The following CCND3 variants were observed in gnomAD, a reference collection of about 807,000 sequenced individuals.
CCND3 encodes G1/S-specific cyclin-D3.
Under a neutral mutation model 28.7 loss-of-function variants are expected in CCND3, and 9 were observed. The ratio of observed to expected loss-of-function variants is 0.31; its 90% confidence interval spans 0.19 to 0.55. CCND3 has a LOEUF of 0.55. Ranked by LOEUF, CCND3 falls within the 20% of genes least tolerant of loss-of-function variation. CCND3 has a pLI of 0.93. For synonymous variants in CCND3, 164 were observed against 163.9 expected, an observed-to-expected ratio of 1.00 and a Z score of 0.00; for missense variants, 315 against 385.8, an observed-to-expected ratio of 0.82 and a Z score of 1.54.
intron 1 of CCND3, among the ~76,000 whole-genome samples, chr6:41,951,575 C>CAAAAAAAAAAA (rs58855970): frequency 4.3e-5 from 3 of 70,148 alleles, no homozygotes; most frequent in Admixed American, 1.8e-4. Flanking sequence ...CACACACACA[C>CAAAAAAAAAAA]AAAAAAAAAG....
chr6:42,034,466 CTCTTTTTTTT>C (rs1764140230), intron 1 of CCND3, among the ~76,000 whole-genome samples: 1 of 98,490 alleles, frequency 1.0e-5, no homozygotes, highest in African/African-American at 3.6e-5. Context: ...AACCCTGTCA[CTCTTTTTTTT>C]TTTTTTTTTT....
intron 1 of CCND3, among the ~76,000 whole-genome samples, chr6:42,038,761 G>A (rs1311390259): frequency 1.3e-5 from 2 of 152,028 alleles, no homozygotes; most frequent in Admixed American, 6.6e-5. Flanking sequence ...ACATTCAGAA[G>A]AGTAAAAAGA....
chr6:41,966,114 A>G (rs1761880465), intron 1 of CCND3, among the ~76,000 whole-genome samples: 1 of 152,174 alleles, frequency 6.6e-6, no homozygotes, highest in African/African-American at 2.4e-5. Flanking sequence ...AGGGATGGTT[A>G]TGAGAATAAG....
intron 1 of CCND3, among the ~76,000 whole-genome samples, chr6:41,959,081 G>A (rs149830553): frequency 0.055 from 8,324 of 152,250 alleles, 458 homozygotes; most frequent in Admixed American, 0.12. Context: ...TTGGGAGGCC[G>A]AGGCTGGTGG....
intron 1 of CCND3, among the ~76,000 whole-genome samples, chr6:41,956,756 C>A (rs1391528585): frequency 6.6e-6 from 1 of 151,900 alleles, no homozygotes; most frequent in Admixed American, 6.6e-5. Context: ...TGGCCAGGCG[C>A]GGTGGCTCAA....
At chr6:41,955,741 A>G (rs1776421328) in intron 1 of CCND3, among the ~76,000 whole-genome samples, 1 of 152,076 alleles carries the variant, frequency 6.6e-6, no homozygotes, top group South Asian at 2.1e-4. Context: ...CAGGAGTTTG[A>G]AACCAGCCTG....
At chr6:42,024,956 G>A (rs756331100) in intron 1 of CCND3, among the ~76,000 whole-genome samples, 65 of 152,170 alleles carry the variant, frequency 4.3e-4, no homozygotes, top group Non-Finnish European at 5.4e-4. Context: ...TACGTGGGAG[G>A]CTGAGGCAGG....
intron 1 of CCND3, among the ~76,000 whole-genome samples, chr6:41,996,350 A>C (rs1335886269): frequency 6.6e-6 from 1 of 151,664 alleles, no homozygotes; most frequent in Non-Finnish European, 1.5e-5. Flanking sequence ...GGGTTTCACC[A>C]TGTTGGCCAG....
chr6:41,970,821 T>C (rs1269136260), intron 1 of CCND3, among the ~76,000 whole-genome samples: 1 of 152,224 alleles, frequency 6.6e-6, no homozygotes, highest in Non-Finnish European at 1.5e-5. Context: ...GGTTTTCTTT[T>C]GAAATCATCT....
intron 1 of CCND3, among the ~76,000 whole-genome samples, chr6:41,959,943 G>A (rs912203303): frequency 9.5e-5 from 12 of 126,896 alleles, no homozygotes; most frequent in African/African-American, 3.2e-4. Flanking sequence ...GCAACAGAGC[G>A]AGACTCCGTC....
At chr6:42,016,077 A>G (rs1048288260) in intron 1 of CCND3, among the ~76,000 whole-genome samples, 1 of 152,028 alleles carries the variant, frequency 6.6e-6, no homozygotes, top group East Asian at 1.9e-4. Context: ...CTGGGATTAC[A>G]GCTGTGTGCC....
At chr6:41,940,920 C>T (rs1582088609) in intron 1 of CCND3, 2 of 1,580,690 alleles carry the variant, frequency 1.3e-6, no homozygotes, top group Non-Finnish European at 1.7e-6. Flanking sequence ...GAGCTGGGAC[C>T]TCACCCCCAT....
chr6:41,955,725 C>G (rs1168829378), intron 1 of CCND3, among the ~76,000 whole-genome samples: 1 of 151,144 alleles, frequency 6.6e-6, no homozygotes, highest in East Asian at 1.9e-4. Context: ...GAGGATTGCT[C>G]GAGGCCAGGA....
intron 1 of CCND3, among the ~76,000 whole-genome samples, chr6:42,016,247 T>G (rs192192011): frequency 1.4e-4 from 22 of 152,314 alleles, no homozygotes; most frequent in Admixed American, 1.4e-3. Flanking sequence ...AGTATGTTTT[T>G]TACTAACCAT....
chr6:42,046,749 C>T (rs1582199949), intron 1 of CCND3, among the ~76,000 whole-genome samples: 1 of 152,170 alleles, frequency 6.6e-6, no homozygotes, highest in Admixed American at 6.5e-5. Context: ...TAAACAGTAC[C>T]AGCCCTATGG....
chr6:42,019,063 C>G (rs1226178881), intron 1 of CCND3, among the ~76,000 whole-genome samples: 1 of 152,090 alleles, frequency 6.6e-6, no homozygotes, highest in African/African-American at 2.4e-5. Flanking sequence ...TTGGGGCAAA[C>G]TACTCCATAT....
intron 1 of CCND3, among the ~76,000 whole-genome samples, chr6:42,020,133 G>A (rs1046616298): frequency 7.9e-5 from 12 of 152,064 alleles, no homozygotes; most frequent in African/African-American, 2.9e-4. Context: ...AAAAAAATTA[G>A]CCGAGCATGG....
At chr6:42,041,417 G>A (rs1300304781) in intron 1 of CCND3, among the ~76,000 whole-genome samples, 1 of 152,058 alleles carries the variant, frequency 6.6e-6, no homozygotes, top group East Asian at 1.9e-4. Context: ...GGAAGAGAAG[G>A]CCTGGAGAAA....
chr6:41,978,371 CAAA>C (rs575675626), intron 1 of CCND3, among the ~76,000 whole-genome samples: 1 of 128,128 alleles, frequency 7.8e-6, no homozygotes, highest in African/African-American at 3.0e-5. Flanking sequence ...GACTCCATCT[CAAA>C]AAAAAAAAAA....
Sources: allele counts gnomAD v4.1 joint callset (sites outside exome capture counted in the v4.1 genomes callset), GRCh38; gene constraint gnomAD v4.1.1; transcripts MANE v1.5; gene names NCBI Gene and HGNC (gene_info 2026-07-23, HGNC 2026-07-21).